TXLNB: variants seen among roughly 807,000 people sequenced by gnomAD.
TXLNB encodes taxilin beta, also known as beta-taxilin.
Under a neutral mutation model 57.4 loss-of-function variants are expected in TXLNB, and 37 were observed. The ratio of observed to expected loss-of-function variants is 0.64; its 90% CI spans 0.50 to 0.85. The LOEUF is 0.85. Ranked by LOEUF, TXLNB falls within the 40% of genes least tolerant of loss-of-function variation. TXLNB has a pLI of 0.00. For synonymous variants in TXLNB, 302 were observed against 309.6 expected, an observed-to-expected ratio of 0.98 and a Z score of 0.26; for missense variants, 848 against 825.6, an observed-to-expected ratio of 1.03 and a Z score of -0.33.
the TXLNB span, among the ~76,000 whole-genome samples, chr6:139,198,971 CTT>C: frequency 1.2e-4 from 18 of 144,374 alleles, no homozygotes; most frequent in Non-Finnish European, 9.2e-5. Flanking sequence ...TTCTTTCTTC[CTT>C]TTTTTTTTTT....
intron 5 of TXLNB, among the ~76,000 whole-genome samples, chr6:139,261,976 T>G (rs1449310630): frequency 2.1e-5 from 3 of 144,356 alleles, no homozygotes; most frequent in African/African-American, 7.9e-5. Context: ...TGATCTCAGC[T>G]CACTGCAACC....
chr6:139,313,816 C>G, the TXLNB span, among the ~76,000 whole-genome samples: 3,824 of 152,080 alleles, frequency 0.025, 170 homozygotes, highest in African/African-American at 0.088. Flanking sequence ...GCCCCCCAAC[C>G]GACTGAATGA....
At chr6:139,214,137 C>A in the TXLNB span, among the ~76,000 whole-genome samples, 5 of 152,252 alleles carry the variant, frequency 3.3e-5, no homozygotes, top group East Asian at 9.6e-4. Flanking sequence ...ATGAGGCCAG[C>A]ATCATCCTGA....
the TXLNB span, among the ~76,000 whole-genome samples, chr6:139,211,415 G>C: frequency 6.6e-6 from 1 of 152,282 alleles, no homozygotes; most frequent in East Asian, 1.9e-4. Flanking sequence ...CTGCAGCTGA[G>C]GATCCTGACT....
At chr6:139,255,356 C>A (rs547836944) in intron 7 of TXLNB, 4 of 609,152 alleles carry the variant, frequency 6.6e-6, no homozygotes, top group Non-Finnish European at 1.3e-5. Flanking sequence ...ATGTTGCCGG[C>A]GCAGAACATT....
rs577219181 is a variant in TXLNB, at chr6:139,252,922, G to A, written c.1077+2642C>T. On this transcript the variant is annotated intron_variant, in intron 7 of 9. Coordinates refer to ENST00000358430, the MANE Select transcript of TXLNB (RefSeq NM_153235.4). ...AGGAGAATGGCGTGAACCCCGGGAG[G>A]TGGAGCTTGCAGTGAGCTGACATCA... Among the ~76,000 whole-genome samples the A allele has an allele frequency of 3.3e-5, 5 of 152,314 alleles. No individual in the cohort carries two copies. The South Asian group carries it at 1.0e-3, about 32-fold the overall frequency.
chr6:139,236,500 T>C (rs1775837898), downstream of TXLNB, among the ~76,000 whole-genome samples: 3 of 152,174 alleles, frequency 2.0e-5, no homozygotes, highest in African/African-American at 7.2e-5. Context: ...TATAAGCACC[T>C]GGCATTTCCC....
the TXLNB span, among the ~76,000 whole-genome samples, chr6:139,216,896 C>CT: frequency 1.3e-5 from 2 of 152,118 alleles, no homozygotes; most frequent in African/African-American, 2.4e-5. Context: ...GGATGAAAGA[C>CT]TACATATTGG....
chr6:139,184,572 CTG>C, the TXLNB span, among the ~76,000 whole-genome samples: 5 of 151,502 alleles, frequency 3.3e-5, no homozygotes, highest in South Asian at 2.1e-4. Context: ...AAGGAGAACT[CTG>C]GGTATAAGGT....
At chr6:139,178,299 C>G in the TXLNB span, 1 of 152,052 alleles carries the variant, frequency 6.6e-6, no homozygotes, top group Non-Finnish European at 1.5e-5. Context: ...CAAAATACAG[C>G]CTTTGGTTCA....
At chr6:139,238,989 CAT>C (rs143083182), downstream of TXLNB, 41 of 152,298 alleles carry the variant, frequency 2.7e-4, no homozygotes, top group East Asian at 1.9e-3. Context: ...ACAACGAACA[CAT>C]GTTACTTTTA....
At chr6:139,243,414 C>T in intron 9 of TXLNB, 100 bp from the exon 10 acceptor site, 3 of 1,297,530 alleles carry the variant, frequency 2.3e-6, no homozygotes, top group Non-Finnish European at 3.1e-6. Context: ...CTATTTGTCC[C>T]AGAATTTGTC....
chr6:139,253,589 G>C (rs1475981405), intron 7 of TXLNB, among the ~76,000 whole-genome samples: 1 of 152,052 alleles, frequency 6.6e-6, no homozygotes, highest in African/African-American at 2.4e-5. Flanking sequence ...ACTCTGACCT[G>C]GTGCCTTGAC....
intron 2 of TXLNB, chr6:139,277,126 C>T (rs1270399322): frequency 1.6e-5 from 8 of 505,822 alleles, no homozygotes; most frequent in South Asian, 2.9e-5. Flanking sequence ...ATGTGTGGTA[C>T]GGTGTGAGGT....
the TXLNB span, among the ~76,000 whole-genome samples, chr6:139,164,839 T>G: frequency 2.0e-5 from 3 of 149,364 alleles, no homozygotes; most frequent in Non-Finnish European, 4.5e-5. Flanking sequence ...TTTGGGCCTG[T>G]GGCAACAGGT....
At chr6:139,181,352 A>G in the TXLNB span, among the ~76,000 whole-genome samples, 460 of 152,352 alleles carry the variant, frequency 3.0e-3, 3 homozygotes, top group African/African-American at 0.011. Context: ...AACAATTCAC[A>G]TAGTTTAAAT....
Position 139,288,912 on chromosome 6 carries a change from A to G in TXLNB, c.-13T>C, listed in dbSNP as rs1777243860. On this transcript the variant is annotated splice_region_variant and 5_prime_UTR_variant, in exon 2 of 10. Coordinates refer to ENST00000358430, the MANE Select transcript of TXLNB (RefSeq NM_153235.4). ...GATTAGCCTCCATCTTGGGAGTAGT[A>G]TCTAGTGGTAAGCACAGTTAGGCTT... 1 of 1,606,656 alleles carries G rather than the reference A, an allele frequency of 6.2e-7. No homozygotes were observed. Among genetic ancestry groups the G allele is most frequent in the Non-Finnish European group, 8.5e-7 (1 of 1,175,308 alleles).
At position 139,243,072 on chromosome 6, in the gene TXLNB, C is replaced by T. The variant is rs1403904162; in HGVS notation, c.1509G>A (p.Leu503=). ...VNSVQTAVKN[L]ATAFMIIHHP... is the part of the protein sequence containing the mutation. ...GATGAATTATCATGAAGGCTGTGGC[C>T]AGATTTTTCACGGCGGTTTGGACAC... The change falls in exon 10 of 10, where the codon CTG becomes CTA. Residue 503 remains leucine (L), a synonymous_variant. Coordinates refer to ENST00000358430, the MANE Select transcript of TXLNB (RefSeq NM_153235.4). The T allele has an allele frequency of 6.2e-7, 1 of 1,614,012 alleles. No individual in the cohort carries two copies. Among genetic ancestry groups the T allele is most frequent in the Non-Finnish European group, 8.5e-7 (1 of 1,180,026 alleles).
the TXLNB span, chr6:139,179,865 C>A: frequency 6.6e-6 from 1 of 152,184 alleles, no homozygotes; most frequent in Admixed American, 6.5e-5. Context: ...ATGAAGCAGT[C>A]TTAAGAGTGA....
Sources: gnomAD v4.1 joint callset for allele counts (sites outside exome capture counted in the v4.1 genomes callset) on GRCh38, gnomAD v4.1.1 for gene constraint, MANE v1.5 for transcripts, NCBI Gene and HGNC (gene_info 2026-07-23, HGNC 2026-07-21) for gene names.